PKD1L3: variants seen among roughly 807,000 people sequenced by gnomAD.
PKD1L3 encodes the protein polycystin-1-like protein 3.
PKD1L3 carries 239 observed loss-of-function variants against 184.1 expected under a neutral mutation model. The ratio of observed to expected loss-of-function variants is 1.30; its 90% CI spans 1.17 to 1.45. The LOEUF (loss-of-function observed/expected upper bound fraction) is 1.45. Ranked by LOEUF, PKD1L3 falls within the 40% of genes most tolerant of loss-of-function variation. The pLI, the probability that PKD1L3 is intolerant of heterozygous loss-of-function variation, is 0.00. For synonymous variants in PKD1L3, 996 were observed against 778.8 expected (o/e 1.28, Z -4.64); for missense variants, 2,660 against 2,067.2 (o/e 1.29, Z -5.56).
rs1005000858 is a variant in PKD1L3, at chr16:71,963,287, A to C, written c.2530T>G (p.Cys844Gly). 5.2e-6 allele frequency: 8 copies of C among 1,551,502 alleles called. No individual in the cohort carries two copies. The highest frequency in any genetic ancestry group is 7.0e-6 in the Non-Finnish European group (8 of 1,146,940). ...TCTCCGAGGTCCACAGCCAGCCAGC[A>C]ATTGCACAGGAAATGCCACTTCCTC... is the stretch of plus-strand genomic sequence containing the variant. ...VKRKWHFLCN[C>G]WLAVDLGDCE... is the part of the protein sequence containing the mutation. Residue 844 changes from cysteine to glycine, a missense_variant, in exon 16 of 30, where the codon TGC becomes GGC. By Grantham distance (159) the Cys-to-Gly change is radical. Transcript: ENST00000620267.
intron 26 of PKD1L3, among the ~76,000 whole-genome samples, chr16:71,934,862 C>T (rs1194738065): frequency 1.3e-5 from 2 of 152,222 alleles, no homozygotes; most frequent in Non-Finnish European, 2.9e-5. Flanking sequence ...CTTGGCAACA[C>T]TTGGCATGGG....
intron 27 of PKD1L3, 120 bp downstream of exon 27, chr16:71,933,795 A>G: frequency 8.6e-7 from 1 of 1,156,884 alleles, no homozygotes; most frequent in Non-Finnish European, 1.2e-6. Flanking sequence ...AACTAGATCT[A>G]AACCCGGCTT....
At chr16:71,965,161 T>C (rs545089506) in intron 15 of PKD1L3, among the ~76,000 whole-genome samples, 4 of 152,184 alleles carry the variant, frequency 2.6e-5, no homozygotes, top group African/African-American at 9.7e-5. Flanking sequence ...ACATTCTTTA[T>C]GTACAGCTTC....
At chr16:71,971,720 C>T (rs1161454161) in intron 12 of PKD1L3, among the ~76,000 whole-genome samples, 1 of 152,190 alleles carries the variant, frequency 6.6e-6, no homozygotes, top group Non-Finnish European at 1.5e-5. Context: ...TACATTTTAA[C>T]AAACTGATTA....
Position 71,973,436 on chromosome 16 carries a change from TCACTCAG to T in PKD1L3, c.1834_1840del (p.Leu612ArgfsTer46), listed in dbSNP as rs1333374394. The T allele has an allele frequency of 1.9e-6, 3 of 1,551,748 alleles. No individual in the cohort carries two copies. In the Admixed American group the frequency reaches 5.9e-5, roughly 30 times the overall value. On this transcript the variant is annotated frameshift_variant, in exon 12 of 30. Transcript: ENST00000620267. LOFTEE classifies it high-confidence loss of function. ...TGTCTGCTGAGCACCCTCCTGCCTCTCACTCAGCACAGCTGTTATATAGTAGGTGCCA... is the reference window on the plus strand; with the variant it reads ...TGTCTGCTGAGCACCCTCCTGCCTCTCACAGCTGTTATATAGTAGGTGCCA...
At chr16:71,996,652 A>G (rs925724641) in intron 2 of PKD1L3, among the ~76,000 whole-genome samples, 10 of 152,062 alleles carry the variant, frequency 6.6e-5, no homozygotes, top group Non-Finnish European at 2.9e-5. Flanking sequence ...CATTTCTATC[A>G]TGTTATCATT....
At chr16:71,950,884 C>A (rs1317930905) in intron 19 of PKD1L3, among the ~76,000 whole-genome samples, 1 of 151,606 alleles carries the variant, frequency 6.6e-6, no homozygotes, top group Non-Finnish European at 1.5e-5. Context: ...AGGCATCTGC[C>A]ACCATGACCA....
chr16:71,984,846 G>A (rs753337883), intron 5 of PKD1L3, among the ~76,000 whole-genome samples: 3 of 152,120 alleles, frequency 2.0e-5, no homozygotes, highest in African/African-American at 4.8e-5. Flanking sequence ...GCGACAGATC[G>A]AGAATCTGTC....
chr16:71,931,363 G>A (rs2037955452), intron 28 of PKD1L3, among the ~76,000 whole-genome samples: 1 of 151,966 alleles, frequency 6.6e-6, no homozygotes, highest in African/African-American at 2.4e-5. Context: ...ATTGGCGCCA[G>A]GGCCCCCACA....
At chr16:71,974,132 T>C (rs928479086) in intron 11 of PKD1L3, among the ~76,000 whole-genome samples, 4 of 152,070 alleles carry the variant, frequency 2.6e-5, no homozygotes, top group African/African-American at 4.8e-5. Flanking sequence ...GATAGAAGAC[T>C]AAGGTAACAA....
intron 11 of PKD1L3, among the ~76,000 whole-genome samples, chr16:71,975,452 TATC>T (rs1283177019): frequency 6.6e-6 from 1 of 152,194 alleles, no homozygotes; most frequent in African/African-American, 2.4e-5. Context: ...CATACTGAGA[TATC>T]ATCAGGCCTT....
chr16:71,966,094 A>G (rs1214162554), intron 15 of PKD1L3, among the ~76,000 whole-genome samples: 2 of 152,156 alleles, frequency 1.3e-5, no homozygotes, highest in African/African-American at 4.8e-5. Flanking sequence ...CTAGGGGGAA[A>G]AATGTATTTT....
At position 71,976,619 on chromosome 16, in the gene PKD1L3, T is replaced by A. The variant is rs572243783; in HGVS notation, c.1759+617A>T. ...AATTATCTCAAAATGAAAATTTTTTTAAAAAAGAAAAAAAAGTGGCCACAT... is the reference window on the plus strand; with the variant it reads ...AATTATCTCAAAATGAAAATTTTTTAAAAAAAGAAAAAAAAGTGGCCACAT... On this transcript the variant is annotated intron_variant, in intron 11 of 29. Transcript: ENST00000620267. Among the ~76,000 whole-genome samples, 32 of 152,118 alleles carry A rather than the reference T, an allele frequency of 2.1e-4. No individual in the cohort carries two copies. The East Asian group carries it at 5.2e-3, about 25-fold the overall frequency.
intron 4 of PKD1L3, 78 bp downstream of exon 4, chr16:71,990,202 T>C: frequency 7.9e-7 from 1 of 1,263,828 alleles, no homozygotes; most frequent in South Asian, 1.4e-5. Flanking sequence ...CTCTACAAGA[T>C]AGAGCTCTAA....
intron 4 of PKD1L3, among the ~76,000 whole-genome samples, 170 bp downstream of exon 4, chr16:71,990,110 T>C (rs1451741803): frequency 1.3e-5 from 2 of 149,378 alleles, no homozygotes; most frequent in Non-Finnish European, 3.0e-5. Flanking sequence ...AAAAAATCCT[T>C]GAATGAAGTA....
At chr16:71,976,396 C>G (rs550475253) in intron 11 of PKD1L3, among the ~76,000 whole-genome samples, 1 of 150,826 alleles carries the variant, frequency 6.6e-6, no homozygotes, top group Non-Finnish European at 1.5e-5. Flanking sequence ...GCTGGGATTA[C>G]AGGTGCCCGC....
chr16:71,936,458 C>T lies in PKD1L3; in HGVS notation c.4452+834G>A, dbSNP rs1597279336. 3.3e-5 allele frequency among the ~76,000 whole-genome samples: 5 copies of T among 150,838 alleles called. No homozygotes were observed. In the East Asian group the frequency reaches 7.8e-4, roughly 23 times the overall value. On this transcript the variant is annotated intron_variant, in intron 25 of 29. Coordinates refer to ENST00000620267, the MANE Select transcript of PKD1L3 (RefSeq NM_181536.2). ...CCTCAGGTGATCAACCCATCTTGGC[C>T]TCCCAAAATGTTGGGATTACAGGCG...
At position 71,999,960 on chromosome 16, in the gene PKD1L3, T is replaced by A. The variant is rs1257703735; in HGVS notation, c.19A>T (p.Ser7Cys). 2.6e-6 allele frequency: 4 copies of A among 1,526,006 alleles called. No homozygotes were observed. The highest frequency in any genetic ancestry group is 4.0e-5 in the Admixed American group (2 of 49,446). The allele number at this position is 1,526,006 out of a possible 1,614,324, so 94.5% of individuals were successfully genotyped here. A position where few individuals can be genotyped will look rare whatever the true frequency, so the allele number is the denominator to read the frequency against. The change falls in exon 1 of 30, where the codon AGC (serine) becomes TGC (cysteine). Residue 7 changes from serine (S) to cysteine (C), a missense_variant. Ser to Cys is a moderately radical substitution (Grantham distance 112). Transcript: ENST00000620267. MFFKGG[S>C]WLWLYIRTSI... ...GTTCTGATGTATAACCAAAGCCAGC[T>A]TCCTCCTTTGAAGAACATTTTCTCT...
intron 11 of PKD1L3, 141 bp from the exon 12 acceptor site, chr16:71,973,658 G>T: frequency 1.2e-6 from 1 of 827,906 alleles, no homozygotes; most frequent in South Asian, 1.8e-5. Flanking sequence ...GAAAGAAAAT[G>T]ACCAGTGATA....
Sources: allele counts gnomAD v4.1 joint callset (sites outside exome capture counted in the v4.1 genomes callset), GRCh38; gene constraint gnomAD v4.1.1; transcripts MANE v1.5; gene names NCBI Gene and HGNC (gene_info 2026-07-23, HGNC 2026-07-21).